The following SEC11A variants were observed in gnomAD, a reference collection of about 807,000 sequenced individuals.
SEC11A encodes the protein SEC11 homolog A, signal peptidase complex subunit, also known as signal peptidase complex catalytic subunit SEC11A.
Under a neutral mutation model 25.6 loss-of-function variants are expected in SEC11A, and 14 were observed. The ratio of observed to expected loss-of-function variants is 0.55; its 90% CI spans 0.36 to 0.85. The LOEUF is 0.85. Among genes scored for constraint, SEC11A ranks in the 40% least tolerant of loss-of-function variants. The pLI, the probability that SEC11A is intolerant of heterozygous loss-of-function variation, is 0.01. For synonymous variants in SEC11A, 83 were observed against 76.4 expected (o/e 1.09, Z -0.45); for missense variants, 153 against 222.9 (o/e 0.69, Z 2.00).
At chr15:84,689,383 T>C (rs1414077604) in intron 2 of SEC11A, among the ~76,000 whole-genome samples, 1 of 152,206 alleles carries the variant, frequency 6.6e-6, no homozygotes, top group Non-Finnish European at 1.5e-5. Flanking sequence ...ACATTAAATA[T>C]GTACAGCTTT....
Position 84,670,097 on chromosome 15 carries a change from C to A in SEC11A, c.490-28G>T, listed in dbSNP as rs769207394. ...AGAAAATAAACACAGAACCACAAGTCAGAGAAGCGTTGAAAAGTTCAGAGG... is the reference window on the plus strand; with the variant it reads ...AGAAAATAAACACAGAACCACAAGTAAGAGAAGCGTTGAAAAGTTCAGAGG... On this transcript the variant is annotated intron_variant, in intron 5 of 5. Coordinates refer to ENST00000268220, the MANE Select transcript of SEC11A (RefSeq NM_014300.4). 8 of 1,607,896 alleles carry A rather than the reference C, an allele frequency of 5.0e-6. No individual in the cohort carries two copies. In the Admixed American group the frequency reaches 1.0e-4, roughly 20 times the overall value.
chr15:84,703,065 C>T (rs1567042824), intron 1 of SEC11A, among the ~76,000 whole-genome samples: 1 of 152,126 alleles, frequency 6.6e-6, no homozygotes, highest in Non-Finnish European at 1.5e-5. Context: ...TATATGGAGC[C>T]ATCAGCAGTC....
chr15:84,708,577 G>C (rs1007312567), intron 1 of SEC11A, among the ~76,000 whole-genome samples: 3 of 151,922 alleles, frequency 2.0e-5, no homozygotes, highest in African/African-American at 7.3e-5. Context: ...AGATACCTAG[G>C]CAACAGGGCG....
At chr15:84,695,155 C>T (rs1049001589) in intron 1 of SEC11A, among the ~76,000 whole-genome samples, 4 of 130,976 alleles carry the variant, frequency 3.1e-5, no homozygotes, top group Admixed American at 2.4e-4. Context: ...AATAGAGATG[C>T]GGATGATTAA....
intron 1 of SEC11A, among the ~76,000 whole-genome samples, chr15:84,701,412 C>T (rs1029402511): frequency 2.0e-5 from 3 of 151,740 alleles, no homozygotes; most frequent in East Asian, 1.9e-4. Flanking sequence ...CTCCACCTCC[C>T]GGGTTCAAGC....
At chr15:84,712,139 G>C (rs933434265) in intron 1 of SEC11A, among the ~76,000 whole-genome samples, 2 of 151,998 alleles carry the variant, frequency 1.3e-5, no homozygotes, top group African/African-American at 4.8e-5. Flanking sequence ...TACTCAGGAG[G>C]CTAAGGTGGG....
At chr15:84,670,423 A>G (rs1896953052) in intron 5 of SEC11A, 1 of 265,126 alleles carries the variant, frequency 3.8e-6, no homozygotes, top group African/African-American at 2.3e-5. Context: ...ATTTTTAGTA[A>G]AGACAGGGTT....
chr15:84,710,253 A>T (rs925769436), intron 1 of SEC11A, among the ~76,000 whole-genome samples: 1 of 152,204 alleles, frequency 6.6e-6, no homozygotes, highest in African/African-American at 2.4e-5. Flanking sequence ...TTGAATAATC[A>T]AAGTTCTTTA....
chr15:84,704,838 G>A (rs1193142954), intron 1 of SEC11A, among the ~76,000 whole-genome samples: 1 of 152,082 alleles, frequency 6.6e-6, no homozygotes, highest in Admixed American at 6.6e-5. Flanking sequence ...TTGGGGTAAG[G>A]TGCTTTCTTA....
chr15:84,706,148 C>T (rs1898088145), intron 1 of SEC11A, among the ~76,000 whole-genome samples: 1 of 152,004 alleles, frequency 6.6e-6, no homozygotes, highest in Non-Finnish European at 1.5e-5. Flanking sequence ...CTCAGGTGAT[C>T]CACCTGCCTC....
At chr15:84,672,173 C>G (rs983043151) in intron 4 of SEC11A, 5 of 153,996 alleles carry the variant, frequency 3.2e-5, no homozygotes, top group African/African-American at 1.2e-4. Context: ...GAAGAACACA[C>G]ATTTTGTTTT....
chr15:84,693,244 A>C (rs751155046), intron 1 of SEC11A, among the ~76,000 whole-genome samples: 2 of 152,146 alleles, frequency 1.3e-5, no homozygotes, highest in Non-Finnish European at 1.5e-5. Flanking sequence ...AAAGTACTAA[A>C]GAGATATAAC....
At position 84,669,797 on chromosome 15, in the gene SEC11A, T is replaced by C; in HGVS notation, c.*222A>G. ...AAATTTGAAAGTGTGACAATGACAA[T>C]TATGAAATCCTGTGACTGAAAGTCC... On this transcript the variant is annotated 3_prime_UTR_variant, in exon 6 of 6. Coordinates refer to ENST00000268220, the MANE Select transcript of SEC11A (RefSeq NM_014300.4). The C allele has an allele frequency of 1.7e-6, 1 of 572,546 alleles. No homozygotes were observed. The allele number at this position is 572,546 out of a possible 1,614,324, so 35.5% of individuals were successfully genotyped here. A position where few individuals can be genotyped will look rare whatever the true frequency, so the allele number is the denominator to read the frequency against.
intron 1 of SEC11A, among the ~76,000 whole-genome samples, chr15:84,710,510 G>A (rs1048724277): frequency 3.9e-5 from 6 of 152,176 alleles, no homozygotes; most frequent in South Asian, 2.1e-4. Flanking sequence ...GGTGGTGCAC[G>A]CCTATAATCC....
chr15:84,716,051 C>T lies in SEC11A; in HGVS notation c.25G>A (p.Asp9Asn). 1.2e-6 allele frequency: 2 copies of T among 1,613,802 alleles called. No homozygotes were observed. Among genetic ancestry groups the T allele is most frequent in the Non-Finnish European group, 1.7e-6 (2 of 1,179,812 alleles). ...TGCCGCTTGTTCATCCGCCGCACATCGTCCAAAAAGTCTAGAGACAGCATG... is the reference window on the plus strand; with the variant it reads ...TGCCGCTTGTTCATCCGCCGCACATTGTCCAAAAAGTCTAGAGACAGCATG... MLSLDFLD[D>N]VRRMNKRQLY... The change falls in exon 1 of 6, where the codon GAT becomes AAT. Residue 9 changes from aspartate (D) to asparagine (N), a missense_variant. Asp to Asn is a conservative substitution (Grantham distance 23). Coordinates refer to ENST00000268220, the MANE Select transcript of SEC11A (RefSeq NM_014300.4).
chr15:84,678,924 G>T (rs1897211703), intron 4 of SEC11A, among the ~76,000 whole-genome samples: 1 of 151,798 alleles, frequency 6.6e-6, no homozygotes, highest in South Asian at 2.1e-4. Context: ...AGCCCAGGAG[G>T]CAGAGGTTGC....
intron 1 of SEC11A, among the ~76,000 whole-genome samples, chr15:84,705,620 C>T (rs1596083155): frequency 6.6e-6 from 1 of 151,732 alleles, no homozygotes; most frequent in Non-Finnish European, 1.5e-5. Context: ...TTTGGGAGGC[C>T]GAGGCAGGTG....
At chr15:84,713,271 A>C (rs1898344937) in intron 1 of SEC11A, among the ~76,000 whole-genome samples, 1 of 151,930 alleles carries the variant, frequency 6.6e-6, no homozygotes, top group Admixed American at 6.6e-5. Flanking sequence ...TCCTCTGTGG[A>C]TCTGATAAGA....
At chr15:84,687,545 T>C in intron 3 of SEC11A, 80 bp downstream of exon 3, 1 of 1,226,746 alleles carries the variant, frequency 8.2e-7, no homozygotes, top group African/African-American at 1.6e-5. Flanking sequence ...TGTTTTACAA[T>C]CTTTAGGCTA....
Sources: gnomAD v4.1 joint callset for allele counts (sites outside exome capture counted in the v4.1 genomes callset) on GRCh38, gnomAD v4.1.1 for gene constraint, MANE v1.5 for transcripts, NCBI Gene and HGNC (gene_info 2026-07-23, HGNC 2026-07-21) for gene names.